XCL1: variants seen among roughly 807,000 people sequenced by gnomAD.
XCL1 encodes the protein lymphotactin.
Under a neutral mutation model 7.4 loss-of-function variants are expected in XCL1, and 6 were observed. That is an observed-to-expected ratio of 0.82 (90% CI 0.45 to 1.61). The LOEUF is 1.61. XCL1 is among the 40% of genes most tolerant of loss of function. The pLI, the probability that XCL1 is intolerant of heterozygous loss-of-function variation, is 0.01. For missense variants in XCL1, 122 were observed against 138.2 expected (o/e 0.88, Z 0.59); for synonymous variants, 48 against 52.4 (o/e 0.92, Z 0.36).
At position 168,581,274 on chromosome 1, in the gene XCL1, G is replaced by A. The variant is rs15785; in HGVS notation, c.*54G>A. The A allele has an allele frequency of 7.9e-3, 12,582 of 1,593,238 alleles. 138 individuals carry two copies. The highest frequency in any genetic ancestry group is 0.036 in the South Asian group (3,192 of 88,664). On this transcript the variant is annotated 3_prime_UTR_variant, in exon 3 of 3. Coordinates refer to ENST00000367818, the MANE Select transcript of XCL1 (RefSeq NM_002995.3). ...CCAGCCAGCTCATTTCACTTTACAC[G>A]CTCATGGACTGAGTTTATACTCACC... is the stretch of plus-strand genomic sequence containing the variant.
At chr1:168,579,653 A>G (rs565226125) in intron 1 of XCL1, among the ~76,000 whole-genome samples, 1 of 152,148 alleles carries the variant, frequency 6.6e-6, no homozygotes, top group South Asian at 2.1e-4. Context: ...TGGCTCCCTC[A>G]TGAGAAGATA....
In XCL1 at chr1:168,580,177, T is replaced by C. The variant is rs145093025; in HGVS notation, c.176T>C (p.Ile59Thr). 1.3e-5 allele frequency: 21 copies of C among 1,613,532 alleles called. No individual in the cohort carries two copies. The highest frequency in any genetic ancestry group is 1.3e-5 in the African/African-American group (1 of 74,856). The change falls in exon 2 of 3, where the codon ATT becomes ACT. Residue 59 changes from isoleucine (I) to threonine (T), a missense_variant and splice_region_variant. Physicochemically the swap from Ile to Thr is moderately conservative, Grantham distance 89. Transcript: ENST00000367818. ...ACGGAAGGCTCCTTGAGAGCAGTAATGTGAGTCTGCCTCCTCAGAAGTTGT... is the reference window on the plus strand; with the variant it reads ...ACGGAAGGCTCCTTGAGAGCAGTAACGTGAGTCTGCCTCCTCAGAAGTTGT... ...TITEGSLRAV[I>T]FITKRGLKVC... is the part of the protein sequence containing the mutation.
rs480717 is a variant in XCL1 at position 168,576,800 on chromosome 1, C to T, written c.61+102C>T. The T allele has an allele frequency of 5.1e-3, 7,647 of 1,491,210 alleles. 45 individuals carry two copies. The highest frequency in any genetic ancestry group is 6.2e-3 in the Middle Eastern group (35 of 5,682). 92.4% of individuals were successfully genotyped at this position (1,491,210 alleles called of 1,614,324 possible). A position where few individuals can be genotyped will look rare whatever the true frequency, so the allele number is the denominator to read the frequency against. ...GTTATGACTGGACTAACCTGCTTTC[C>T]CCAGGGGAGCCTTAAACTTCCCATG... On this transcript the variant is annotated intron_variant, in intron 1 of 2. Transcript: ENST00000367818.
In XCL1 at chr1:168,581,254, C is replaced by T. The variant is rs778800193; in HGVS notation, c.*34C>T. On this transcript the variant is annotated 3_prime_UTR_variant, in exon 3 of 3. Transcript: ENST00000367818. The stretch of plus-strand genomic sequence containing the variant: ...GGCACCCTGTCCGTCTCCAGCCAGC[C>T]AGCTCATTTCACTTTACACGCTCAT... 1.8e-5 allele frequency: 29 copies of T among 1,608,568 alleles called. No homozygotes were observed. The East Asian group carries it at 2.0e-4, about 11-fold the overall frequency.
In XCL1 at chr1:168,581,290, T is replaced by A; in HGVS notation, c.*70T>A. On this transcript the variant is annotated 3_prime_UTR_variant, in exon 3 of 3. Transcript: ENST00000367818. ...ACTTTACACGCTCATGGACTGAGTT[T>A]ATACTCACCTTTTATGAAAGCACTG... The A allele has an allele frequency of 1.3e-6, 2 of 1,551,762 alleles. No individual in the cohort carries two copies. Among genetic ancestry groups the A allele is most frequent in the East Asian group, 4.5e-5 (2 of 44,114 alleles).
rs141973818 is a variant in XCL1 at position 168,580,069 on chromosome 1, G to A, written c.68G>A (p.Gly23Glu). The change falls in exon 2 of 3, where the codon GGG (glycine) becomes GAG (glutamate). Residue 23 changes from glycine (G) to glutamate (E), a missense_variant. By Grantham distance (98) the Gly-to-Glu change is moderately conservative. Transcript: ENST00000367818. ...SLTAYIVEGVGSEVSDKRTCV... is the reference protein window; with the variant it reads ...SLTAYIVEGVESEVSDKRTCV... ...GTTTTTTTTTCCTCACCAGGTGTAG[G>A]GAGTGAAGTCTCAGATAAGAGGACC... 6.2e-7 allele frequency: 1 copy of A among 1,612,862 alleles called. No individual in the cohort carries two copies. The highest frequency in any genetic ancestry group is 1.7e-5 in the Admixed American group (1 of 59,944).
chr1:168,577,887 C>G (rs1655062673), intron 1 of XCL1, among the ~76,000 whole-genome samples: 1 of 152,140 alleles, frequency 6.6e-6, no homozygotes. Flanking sequence ...CCCACTGGTG[C>G]TTAGCTTCTT....
chr1:168,577,757 C>A (rs1229544351), intron 1 of XCL1, among the ~76,000 whole-genome samples: 1 of 152,152 alleles, frequency 6.6e-6, no homozygotes, highest in Non-Finnish European at 1.5e-5. Context: ...AGACAATGGG[C>A]ATACCATTTG....
At chr1:168,577,769 G>A (rs537527567) in intron 1 of XCL1, among the ~76,000 whole-genome samples, 11 of 152,290 alleles carry the variant, frequency 7.2e-5, no homozygotes, top group African/African-American at 1.9e-4. Flanking sequence ...TACCATTTGA[G>A]GGAGACTCAG....
In XCL1 at chr1:168,576,620, C is replaced by T. The variant is rs1254724309; in HGVS notation, c.-18C>T. 2.5e-6 allele frequency: 4 copies of T among 1,613,208 alleles called. No individual in the cohort carries two copies. Among genetic ancestry groups the T allele is most frequent in the Non-Finnish European group, 3.4e-6 (4 of 1,179,554 alleles). On this transcript the variant is annotated 5_prime_UTR_variant, in exon 1 of 3. Coordinates refer to ENST00000367818, the MANE Select transcript of XCL1 (RefSeq NM_002995.3). The stretch of plus-strand genomic sequence containing the variant: ...CCCGATCCTCACTCTCCTTGCACAG[C>T]TCAGCAGGACCTCAGCCATGAGACT...
rs1655185405 is a variant in XCL1, at chr1:168,582,015, CA to C, written c.*796del. On this transcript the variant is annotated 3_prime_UTR_variant, in exon 3 of 3. Transcript: ENST00000367818. ...AATGCTGACCCATGCAATATTTCCTCATGTGATCACAATTTGCAGTAAACTT... is the reference window on the plus strand; with the variant it reads ...AATGCTGACCCATGCAATATTTCCTCTGTGATCACAATTTGCAGTAAACTT... 6.6e-6 allele frequency: 1 copy of C among 152,180 alleles called. No homozygotes were observed. Among genetic ancestry groups the C allele is most frequent in the South Asian group, 2.1e-4 (1 of 4,824 alleles). 9.4% of individuals were successfully genotyped at this position (152,180 alleles called of 1,614,324 possible).
At chr1:168,577,235 T>G (rs2054363523) in intron 1 of XCL1, among the ~76,000 whole-genome samples, 1 of 152,216 alleles carries the variant, frequency 6.6e-6, no homozygotes, top group Admixed American at 6.5e-5. Context: ...ATCAATGTTT[T>G]CAATACAAAA....
chr1:168,577,898 A>G (rs918258050), intron 1 of XCL1, among the ~76,000 whole-genome samples: 1 of 152,202 alleles, frequency 6.6e-6, no homozygotes, highest in African/African-American at 2.4e-5. Flanking sequence ...TTAGCTTCTT[A>G]CATACAAAAA....
intron 2 of XCL1, 29 bp downstream of exon 2, chr1:168,580,206 G>A (rs754602760): frequency 1.2e-6 from 2 of 1,610,272 alleles, no homozygotes; most frequent in Non-Finnish European, 1.7e-6. Flanking sequence ...AAGTTGTGCT[G>A]GGTGGGTATC....
chr1:168,581,935 T>C lies in XCL1; in HGVS notation c.*715T>C, dbSNP rs1011615161. 6.6e-6 allele frequency: 1 copy of C among 152,242 alleles called. No individual in the cohort carries two copies. Among genetic ancestry groups the C allele is most frequent in the Non-Finnish European group, 1.5e-5 (1 of 68,042 alleles). The allele number at this position is 152,242 out of a possible 1,614,324, so 9.4% of individuals were successfully genotyped here. A position where few individuals can be genotyped will look rare whatever the true frequency, so the allele number is the denominator to read the frequency against. On this transcript the variant is annotated 3_prime_UTR_variant, in exon 3 of 3. Transcript: ENST00000367818. ...TTATTAGGATTTCTGTATTTGCCAT[T>C]ACGCTAGTTATCATGCATGTTATGC...
chr1:168,578,727 G>C, intron 1 of XCL1: 1 of 360,490 alleles, frequency 2.8e-6, no homozygotes. Context: ...TTTTGGACTC[G>C]GGACATTGCA....
chr1:168,581,249 C>G lies in XCL1; in HGVS notation c.*29C>G. 3 of 1,609,448 alleles carry G rather than the reference C, an allele frequency of 1.9e-6. No homozygotes were observed. The highest frequency in any genetic ancestry group is 2.5e-6 in the Non-Finnish European group (3 of 1,176,596). The stretch of plus-strand genomic sequence containing the variant: ...TCTCTGGCACCCTGTCCGTCTCCAG[C>G]CAGCCAGCTCATTTCACTTTACACG... On this transcript the variant is annotated 3_prime_UTR_variant, in exon 3 of 3. Transcript: ENST00000367818.
chr1:168,580,678 A>T (rs181929485), intron 2 of XCL1, among the ~76,000 whole-genome samples: 1 of 152,378 alleles, frequency 6.6e-6, no homozygotes, highest in East Asian at 1.9e-4. Flanking sequence ...TACTCTAAAA[A>T]ATGAAAATGT....
chr1:168,579,110 TGCTTTGTCTCTG>T (rs1655092670), intron 1 of XCL1: 1 of 432,110 alleles, frequency 2.3e-6, no homozygotes, highest in Non-Finnish European at 4.6e-6. Context: ...CTTCTTCTCT[TGCTTTGTCTCTG>T]GTCAGTACTT....
Sources: allele counts gnomAD v4.1 joint callset (sites outside exome capture counted in the v4.1 genomes callset), GRCh38; gene constraint gnomAD v4.1.1; transcripts MANE v1.5; gene names NCBI Gene and HGNC (gene_info 2026-07-23, HGNC 2026-07-21).